SNRPD1: variants seen among roughly 807,000 people sequenced by gnomAD.
SNRPD1 encodes the protein small nuclear ribonucleoprotein D1 polypeptide, also known as small nuclear ribonucleoprotein Sm D1.
A neutral mutation model predicts 14.4 loss-of-function variants in SNRPD1; 1 was observed. The observed-to-expected ratio is 0.07, with a 90% CI of 0.02 to 0.33. The LOEUF (loss-of-function observed/expected upper bound fraction) is 0.33. Among genes scored for constraint, SNRPD1 ranks in the 10% least tolerant of loss-of-function variants. The pLI is 1.00. For synonymous variants in SNRPD1, 42 were observed against 50.3 expected (o/e 0.83, Z 0.70); for missense variants, 52 against 146.4 (o/e 0.36, Z 3.33).
chr18:21,624,053 A>G, intron 3 of SNRPD1, 114 bp downstream of exon 3: 3 of 664,470 alleles, frequency 4.5e-6, no homozygotes, highest in Middle Eastern at 3.5e-4. Flanking sequence ...AATATTTCCT[A>G]TAGTATGTAT....
chr18:21,612,768 C>G (rs920772178), intron 1 of SNRPD1, among the ~76,000 whole-genome samples: 11 of 152,278 alleles, frequency 7.2e-5, no homozygotes, highest in African/African-American at 2.7e-4. Context: ...TGGAACTCCC[C>G]AGTCCTGCTT....
chr18:21,626,108 A>AT (rs1232305416), intron 3 of SNRPD1, among the ~76,000 whole-genome samples: 1 of 150,942 alleles, frequency 6.6e-6, no homozygotes, highest in Non-Finnish European at 1.5e-5. Flanking sequence ...AATAACTGAA[A>AT]TTGGCCAGGT....
chr18:21,627,728 C>T (rs1217055877), intron 3 of SNRPD1, among the ~76,000 whole-genome samples: 1 of 152,014 alleles, frequency 6.6e-6, no homozygotes, highest in Non-Finnish European at 1.5e-5. Flanking sequence ...AAGGAATTCC[C>T]ATACACTTTT....
intron 1 of SNRPD1, among the ~76,000 whole-genome samples, chr18:21,616,049 G>T (rs575286569): frequency 6.6e-6 from 1 of 152,260 alleles, no homozygotes; most frequent in African/African-American, 2.4e-5. Flanking sequence ...GCAGTGGCAT[G>T]ATCTTGGTTC....
In SNRPD1 at chr18:21,629,889, TG is replaced by T. The variant is rs545288830; in HGVS notation, c.*753del. 108 of 152,330 alleles carry T rather than the reference TG, an allele frequency of 7.1e-4. No homozygotes were observed. Among genetic ancestry groups the T allele is most frequent in the African/African-American group, 2.5e-3 (105 of 41,584 alleles). The allele number at this position is 152,330 out of a possible 1,614,324, so 9.4% of individuals were successfully genotyped here. A position where few individuals can be genotyped will look rare whatever the true frequency, so the allele number is the denominator to read the frequency against. On this transcript the variant is annotated 3_prime_UTR_variant, in exon 4 of 4. Coordinates refer to ENST00000300413, the MANE Select transcript of SNRPD1 (RefSeq NM_006938.4). ...CACAGGGGAAGTAAGAAGTTTGTTT[TG>T]GTATTTCGGAAACTAAAGTCCTTAT...
chr18:21,612,467 T>C, intron 1 of SNRPD1, 24 bp downstream of exon 1: 2 of 1,500,996 alleles, frequency 1.3e-6, no homozygotes, highest in Admixed American at 2.0e-5. Flanking sequence ...CAAGCAGCTC[T>C]GGGGGCTGTG....
rs1319106727 is a variant in SNRPD1 at position 21,633,452 on chromosome 18, G to A, written c.*4314G>A. On this transcript the variant is annotated 3_prime_UTR_variant, in exon 4 of 4. Transcript: ENST00000300413. ...CAGACATTTTCTAAAGGCATTAAAA[G>A]TATATCTGATACTGGCCTTTATTAA... is the stretch of plus-strand genomic sequence containing the variant. 2 of 152,142 alleles carry A rather than the reference G, an allele frequency of 1.3e-5. No individual in the cohort carries two copies. The highest frequency in any genetic ancestry group is 2.4e-5 in the African/African-American group (1 of 41,430). 9.4% of individuals were successfully genotyped at this position (152,142 alleles called of 1,614,324 possible). A position where few individuals can be genotyped will look rare whatever the true frequency, so the allele number is the denominator to read the frequency against.
intron 1 of SNRPD1, among the ~76,000 whole-genome samples, chr18:21,615,979 G>T (rs1043587249): frequency 1.3e-5 from 2 of 151,910 alleles, no homozygotes; most frequent in Admixed American, 1.3e-4. Flanking sequence ...GGTTTAGTCG[G>T]TTTTTTGCTT....
intron 3 of SNRPD1, among the ~76,000 whole-genome samples, chr18:21,624,266 C>A (rs921373430): frequency 6.6e-6 from 1 of 151,724 alleles, no homozygotes; most frequent in African/African-American, 2.4e-5. Flanking sequence ...GTAATCCCAG[C>A]TACTCGGGAG....
At chr18:21,622,357 A>G (rs189436675) in intron 1 of SNRPD1, among the ~76,000 whole-genome samples, 124 of 151,900 alleles carry the variant, frequency 8.2e-4, no homozygotes, top group Middle Eastern at 6.8e-3. Context: ...AGCCAGGATG[A>G]TCTCGATCTC....
Position 21,630,234 on chromosome 18 carries a change from A to C in SNRPD1, c.*1096A>C, listed in dbSNP as rs1032379144. ...GAATAAAAGAGAAAAGACCTACTTT[A>C]TTTGACAGCAAAACTGTTCTAATTG... On this transcript the variant is annotated 3_prime_UTR_variant, in exon 4 of 4. Coordinates refer to ENST00000300413, the MANE Select transcript of SNRPD1 (RefSeq NM_006938.4). 2.6e-5 allele frequency: 4 copies of C among 152,158 alleles called. No homozygotes were observed. The highest frequency in any genetic ancestry group is 9.7e-5 in the African/African-American group (4 of 41,436). The allele number at this position is 152,158 out of a possible 1,614,324, so 9.4% of individuals were successfully genotyped here.
In SNRPD1 at chr18:21,618,231, T is replaced by C. The variant is rs76681968; in HGVS notation, c.15-4494T>C. On this transcript the variant is annotated intron_variant, in intron 1 of 3. Coordinates refer to ENST00000300413, the MANE Select transcript of SNRPD1 (RefSeq NM_006938.4). ...TGAGCTCAGGAGTTTAAGACTAGTC[T>C]AGGCAACATGGCAAAACCACATCTC... Among the ~76,000 whole-genome samples, 60 of 152,014 alleles carry C rather than the reference T, an allele frequency of 3.9e-4. 1 individual carries two copies. In the East Asian group the frequency reaches 6.2e-3, roughly 16 times the overall value.
At chr18:21,614,413 T>G (rs1407256823) in intron 1 of SNRPD1, among the ~76,000 whole-genome samples, 1 of 152,256 alleles carries the variant, frequency 6.6e-6, no homozygotes, top group African/African-American at 2.4e-5. Flanking sequence ...TTCCAGTAAT[T>G]TTTAATACCT....
At chr18:21,613,095 T>C (rs1170510368) in intron 1 of SNRPD1, among the ~76,000 whole-genome samples, 2 of 152,176 alleles carry the variant, frequency 1.3e-5, no homozygotes, top group East Asian at 3.8e-4. Context: ...TTTAGGAAAA[T>C]CTCCCAATAT....
intron 3 of SNRPD1, among the ~76,000 whole-genome samples, chr18:21,626,500 A>G (rs1288989000): frequency 1.3e-5 from 2 of 151,454 alleles, no homozygotes; most frequent in Non-Finnish European, 2.9e-5. Context: ...TTTAAAAATT[A>G]TTGGTTTGGG....
chr18:21,627,958 A>C (rs1339028255), intron 3 of SNRPD1, among the ~76,000 whole-genome samples: 2 of 152,092 alleles, frequency 1.3e-5, no homozygotes, highest in East Asian at 1.9e-4. Flanking sequence ...GGTTCTCCTC[A>C]GTTTTCCTTT....
Position 21,633,447 on chromosome 18 carries a change from TA to T in SNRPD1, c.*4313del, listed in dbSNP as rs2039100699. 6.6e-6 allele frequency: 1 copy of T among 152,190 alleles called. No individual in the cohort carries two copies. The highest frequency in any genetic ancestry group is 1.5e-5 in the Non-Finnish European group (1 of 68,040). The allele number at this position is 152,190 out of a possible 1,614,324, so 9.4% of individuals were successfully genotyped here. A position where few individuals can be genotyped will look rare whatever the true frequency, so the allele number is the denominator to read the frequency against. On this transcript the variant is annotated 3_prime_UTR_variant, in exon 4 of 4. Transcript: ENST00000300413. ...AACAGCAGACATTTTCTAAAGGCATTAAAAGTATATCTGATACTGGCCTTTA... is the reference window on the plus strand; with the variant it reads ...AACAGCAGACATTTTCTAAAGGCATTAAAGTATATCTGATACTGGCCTTTA...
intron 1 of SNRPD1, among the ~76,000 whole-genome samples, chr18:21,616,755 G>A (rs1164199689): frequency 1.4e-5 from 2 of 141,278 alleles, no homozygotes; most frequent in Non-Finnish European, 3.1e-5. Context: ...GCGCACTCTC[G>A]GCTCACTGCG....
At chr18:21,625,491 T>C (rs188669688) in intron 3 of SNRPD1, among the ~76,000 whole-genome samples, 1 of 151,974 alleles carries the variant, frequency 6.6e-6, no homozygotes, top group East Asian at 1.9e-4. Context: ...TAATTTTGTA[T>C]TTTTAGTAGA....
Sources: gnomAD v4.1 joint callset for allele counts (sites outside exome capture counted in the v4.1 genomes callset) on GRCh38, gnomAD v4.1.1 for gene constraint, MANE v1.5 for transcripts, NCBI Gene and HGNC (gene_info 2026-07-23, HGNC 2026-07-21) for gene names.